The following MYO1B variants were observed in gnomAD, a reference collection of about 807,000 sequenced individuals.
MYO1B encodes unconventional myosin-Ib.
In MYO1B, 72 loss-of-function variants were observed where a neutral mutation model predicts 159.7. That is an observed-to-expected ratio of 0.45 (90% CI 0.37 to 0.55). The LOEUF (loss-of-function observed/expected upper bound fraction) is 0.55. MYO1B is among the 20% of genes least tolerant of loss of function. The probability of loss-of-function intolerance (pLI) is 0.00; values close to 1 mark genes in which losing one functional copy is unlikely to be tolerated. For missense variants in MYO1B, 1,062 were observed against 1,364.8 expected (o/e 0.78, Z 3.50); for synonymous variants, 468 against 473.8 (o/e 0.99, Z 0.16).
chr2:191,383,419 A>G (rs1695161227), intron 15 of MYO1B, 77 bp downstream of exon 15: 1 of 466,484 alleles, frequency 2.1e-6, no homozygotes, highest in Non-Finnish European at 3.4e-6. Flanking sequence ...CAGTGCCTCA[A>G]TGTTAAGCAT....
chr2:191,249,742 GTTTA>G (rs1278737444), intron 1 of MYO1B, among the ~76,000 whole-genome samples: 4 of 152,198 alleles, frequency 2.6e-5, no homozygotes, highest in African/African-American at 9.7e-5. Context: ...GTTCTGCCTT[GTTTA>G]TTTATTTCAA....
intron 9 of MYO1B, among the ~76,000 whole-genome samples, chr2:191,362,971 G>A (rs1693768588): frequency 6.6e-6 from 1 of 152,190 alleles, no homozygotes; most frequent in South Asian, 2.1e-4. Flanking sequence ...TCTGTTAATT[G>A]TTGAGGGTGA....
intron 1 of MYO1B, among the ~76,000 whole-genome samples, chr2:191,265,869 G>T (rs1195373257): frequency 6.6e-6 from 1 of 152,058 alleles, no homozygotes; most frequent in Admixed American, 6.5e-5. Context: ...TCCAGTCATT[G>T]TGAGCTGTAT....
At chr2:191,346,200 AT>A in intron 5 of MYO1B, 35 bp from the exon 6 acceptor site, 8 of 1,472,530 alleles carry the variant, frequency 5.4e-6, no homozygotes, top group Admixed American at 2.2e-5. Context: ...GATTATTATT[AT>A]TTTTTTAACC....
At chr2:191,350,141 C>G (rs1307684543) in intron 6 of MYO1B, 21 bp from the exon 7 acceptor site, 1 of 1,608,934 alleles carries the variant, frequency 6.2e-7, no homozygotes, top group Non-Finnish European at 8.5e-7. Flanking sequence ...CTAGAAAACT[C>G]ACAAAATCTT....
chr2:191,354,166 G>C (rs1266015316), intron 7 of MYO1B, among the ~76,000 whole-genome samples: 1 of 151,950 alleles, frequency 6.6e-6, no homozygotes, highest in Non-Finnish European at 1.5e-5. Flanking sequence ...TGAGGCAGTA[G>C]GATCACTTGA....
At chr2:191,411,581 G>A (rs575901859) in intron 27 of MYO1B, among the ~76,000 whole-genome samples, 17 of 152,322 alleles carry the variant, frequency 1.1e-4, no homozygotes, top group African/African-American at 3.6e-4. Flanking sequence ...AGCAAGGTCA[G>A]AAACTTATTT....
chr2:191,262,286 G>A (rs1471399403), intron 1 of MYO1B, among the ~76,000 whole-genome samples: 3 of 151,974 alleles, frequency 2.0e-5, no homozygotes, highest in African/African-American at 7.2e-5. Context: ...ACCTTATTCT[G>A]CCGCCCCCCC....
rs2271769 is a variant in MYO1B at position 191,362,182 on chromosome 2, G to A, written c.662-86G>A. On this transcript the variant is annotated intron_variant, in intron 8 of 30. Coordinates refer to ENST00000392318, the MANE Select transcript of MYO1B (RefSeq NM_001130158.3). ...TACTTAATATAAAAGCCATGTTACC[G>A]ATGTGAACAAGATATCAAAGGGAAT... 4,996 of 962,428 alleles carry A rather than the reference G, an allele frequency of 5.2e-3. 148 individuals are homozygous for A. The African/African-American group carries it at 0.069, about 13-fold the overall frequency. The allele number at this position is 962,428 out of a possible 1,614,324, so 59.6% of individuals were successfully genotyped here. A position where few individuals can be genotyped will look rare whatever the true frequency, so the allele number is the denominator to read the frequency against.
chr2:191,281,874 A>G (rs1204285262), intron 2 of MYO1B, among the ~76,000 whole-genome samples: 1 of 152,166 alleles, frequency 6.6e-6, no homozygotes, highest in Non-Finnish European at 1.5e-5. Flanking sequence ...GAGTTAGTCT[A>G]ATTTTTAGAT....
intron 11 of MYO1B, among the ~76,000 whole-genome samples, chr2:191,364,838 G>T (rs2075611403): frequency 6.7e-6 from 1 of 150,358 alleles, no homozygotes; most frequent in Admixed American, 6.6e-5. Flanking sequence ...GAGGCTACAG[G>T]ACTTGCTGGT....
chr2:191,304,630 G>C (rs945613843), intron 3 of MYO1B, among the ~76,000 whole-genome samples: 4 of 152,192 alleles, frequency 2.6e-5, no homozygotes, highest in Admixed American at 6.5e-5. Context: ...ACTCTTAGCA[G>C]AAAGAGACCT....
intron 1 of MYO1B, among the ~76,000 whole-genome samples, chr2:191,262,569 T>C (rs965389573): frequency 6.6e-6 from 1 of 152,022 alleles, no homozygotes; most frequent in African/African-American, 2.4e-5. Context: ...GTGACATAAG[T>C]AATGACTGTA....
chr2:191,338,077 T>C (rs1365223809), intron 4 of MYO1B, among the ~76,000 whole-genome samples: 1 of 152,168 alleles, frequency 6.6e-6, no homozygotes, highest in African/African-American at 2.4e-5. Context: ...TACTGGTTTA[T>C]TAATTTCTCT....
intron 3 of MYO1B, among the ~76,000 whole-genome samples, chr2:191,320,405 A>G (rs917673425): frequency 6.6e-6 from 1 of 152,176 alleles, no homozygotes; most frequent in African/African-American, 2.4e-5. Context: ...GAATTTAGCT[A>G]TTAACAAGGA....
chr2:191,385,815 T>A (rs1370699180), intron 15 of MYO1B, 69 bp from the exon 16 acceptor site: 3 of 1,447,628 alleles, frequency 2.1e-6, no homozygotes, highest in Non-Finnish European at 2.9e-6. Flanking sequence ...TTTGATGGTG[T>A]AATTAGGAAT....
chr2:191,257,097 A>T (rs1686499223), intron 1 of MYO1B, among the ~76,000 whole-genome samples: 1 of 152,098 alleles, frequency 6.6e-6, no homozygotes, highest in Admixed American at 6.5e-5. Flanking sequence ...ACCTACTGTC[A>T]TGCAGAAATT....
chr2:191,339,592 T>C (rs1692082151), intron 4 of MYO1B, among the ~76,000 whole-genome samples: 1 of 152,204 alleles, frequency 6.6e-6, no homozygotes, highest in Non-Finnish European at 1.5e-5. Context: ...ACCACACAGA[T>C]GACCAGACAA....
chr2:191,356,337 CTT>C (rs79525897), intron 7 of MYO1B, among the ~76,000 whole-genome samples: 35 of 106,438 alleles, frequency 3.3e-4, no homozygotes, highest in African/African-American at 8.6e-4. Context: ...GGCTGGGCTT[CTT>C]TTTTTTTTTT....
Sources: gnomAD v4.1 joint callset for allele counts (sites outside exome capture counted in the v4.1 genomes callset) on GRCh38, gnomAD v4.1.1 for gene constraint, MANE v1.5 for transcripts, NCBI Gene and HGNC (gene_info 2026-07-23, HGNC 2026-07-21) for gene names.